The following PRKCE variants were observed in gnomAD, a reference collection of about 807,000 sequenced individuals.
The protein encoded by PRKCE is protein kinase C epsilon type.
In PRKCE, 16 loss-of-function variants were observed where a neutral mutation model predicts 85.4. The observed-to-expected ratio is 0.19, with a 90% CI of 0.13 to 0.28. The LOEUF (loss-of-function observed/expected upper bound fraction) is 0.28, where lower values mean the gene tolerates loss of function less well. Among genes scored for constraint, PRKCE ranks in the 10% least tolerant of loss-of-function variants. The pLI, the probability that PRKCE is intolerant of heterozygous loss-of-function variation, is 1.00. For missense variants in PRKCE, 573 were observed against 975.2 expected (o/e 0.59, Z 5.49); for synonymous variants, 388 against 371.5 (o/e 1.04, Z -0.51).
chr2:45,836,527 A>T (rs1690891254), intron 1 of PRKCE, among the ~76,000 whole-genome samples: 1 of 152,198 alleles, frequency 6.6e-6, no homozygotes, highest in South Asian at 2.1e-4. Flanking sequence ...CTGGGAGGAC[A>T]CCTGCTGCCT....
chr2:45,876,157 C>T (rs1173114495), intron 2 of PRKCE, among the ~76,000 whole-genome samples: 1 of 152,206 alleles, frequency 6.6e-6, no homozygotes, highest in Admixed American at 6.5e-5. Flanking sequence ...CTCCCTGCTT[C>T]CATCTCCCCT....
chr2:45,743,201 T>G (rs1682725310), intron 1 of PRKCE, among the ~76,000 whole-genome samples: 1 of 152,164 alleles, frequency 6.6e-6, no homozygotes. Context: ...TACAGCATAA[T>G]GACTGCAGTT....
At chr2:45,866,785 A>G (rs1234336461) in intron 2 of PRKCE, among the ~76,000 whole-genome samples, 1 of 152,216 alleles carries the variant, frequency 6.6e-6, no homozygotes, top group Non-Finnish European at 1.5e-5. Flanking sequence ...ACATGCGTCC[A>G]GGGGCTGCCA....
intron 1 of PRKCE, among the ~76,000 whole-genome samples, chr2:45,761,326 C>CAAAAAA (rs370710295): frequency 6.1e-5 from 5 of 82,252 alleles, no homozygotes; most frequent in South Asian, 4.5e-4. Context: ...GACTCCATCT[C>CAAAAAA]AAAAAAAAAA....
At chr2:45,731,810 G>T (rs1035688656) in intron 1 of PRKCE, among the ~76,000 whole-genome samples, 1 of 151,898 alleles carries the variant, frequency 6.6e-6, no homozygotes. Context: ...TAGAGACAAG[G>T]TCTCACCGTG....
At chr2:45,759,583 G>A (rs150443587) in intron 1 of PRKCE, among the ~76,000 whole-genome samples, 1 of 152,288 alleles carries the variant, frequency 6.6e-6, no homozygotes, top group Non-Finnish European at 1.5e-5. Flanking sequence ...AGCAATTAGC[G>A]CCATCTCCTT....
chr2:45,685,312 G>A (rs1677213606), intron 1 of PRKCE: 2 of 152,066 alleles, frequency 1.3e-5, no homozygotes, highest in African/African-American at 4.8e-5. Flanking sequence ...TAGTCACTGT[G>A]GATTACAGTA....
Position 46,032,439 on chromosome 2 carries a change from G to A in PRKCE, c.1437+21922G>A, listed in dbSNP as rs577610360. 1.2e-4 allele frequency among the ~76,000 whole-genome samples: 19 copies of A among 152,286 alleles called. No homozygotes were observed. In the East Asian group the frequency reaches 1.4e-3, roughly 11 times the overall value. ...GCCATCCCTCTCTTAAAATGGGCAC[G>A]GGTTTGCTGGCAGGACTTGCCCTTA... On this transcript the variant is annotated intron_variant, in intron 10 of 14. Transcript: ENST00000306156.
rs1680274338 is a variant in PRKCE, at chr2:46,184,262, G to A, written c.2068-473G>A. On this transcript the variant is annotated intron_variant, in intron 14 of 14. Transcript: ENST00000306156. The surrounding 1 kb of genome is among the most constrained non-coding windows in gnomAD (Gnocchi z 5.0). ...AAGTGGAAATCGAGGCAGGCTTGTG[G>A]AGAGGATGTCACCTGGAGCAGATGT... is the stretch of plus-strand genomic sequence containing the variant. Among the ~76,000 whole-genome samples, 1 of 152,182 alleles carries A rather than the reference G, an allele frequency of 6.6e-6. No homozygotes were observed. The highest frequency in any genetic ancestry group is 6.5e-5 in the Admixed American group (1 of 15,280).
chr2:45,989,209 G>A (rs145169837), intron 6 of PRKCE, among the ~76,000 whole-genome samples: 138 of 152,344 alleles, frequency 9.1e-4, no homozygotes, highest in African/African-American at 3.2e-3. Flanking sequence ...CCAGGACAGG[G>A]GACGAGGCAC....
chr2:45,884,991 A>G lies in PRKCE; in HGVS notation c.412+41928A>G, dbSNP rs200036963. Among the ~76,000 whole-genome samples the G allele has an allele frequency of 4.0e-4, 23 of 57,758 alleles. 1 individual carries two copies. The highest frequency in any genetic ancestry group is 2.8e-3 in the East Asian group (2 of 722). 37.9% of individuals were successfully genotyped at this position (57,758 alleles called of 152,430 possible). A position where few individuals can be genotyped will look rare whatever the true frequency, so the allele number is the denominator to read the frequency against. ...TATATATATATATATATATATATAT[A>G]TATATATATATTTGTTGTTGTTGTT... On this transcript the variant is annotated intron_variant, in intron 2 of 14. Coordinates refer to ENST00000306156, the MANE Select transcript of PRKCE (RefSeq NM_005400.3).
chr2:45,960,605 A>T (rs952529976), intron 2 of PRKCE, among the ~76,000 whole-genome samples: 1 of 152,168 alleles, frequency 6.6e-6, no homozygotes. Flanking sequence ...AGCTCAGGCA[A>T]TAATGCTTGC....
intron 1 of PRKCE, among the ~76,000 whole-genome samples, chr2:45,712,113 C>T (rs984294288): frequency 2.0e-5 from 3 of 149,584 alleles, no homozygotes; most frequent in Non-Finnish European, 4.4e-5. Context: ...TGACAGTTGA[C>T]CTCTTGCCAC....
intron 3 of PRKCE, chr2:45,978,685 T>C (rs1702649443): frequency 3.4e-6 from 1 of 294,298 alleles, no homozygotes. Flanking sequence ...GCAGGGTCGT[T>C]TGTGGCTTTC....
chr2:45,961,302 T>C (rs2104422042), intron 2 of PRKCE, among the ~76,000 whole-genome samples: 1 of 152,368 alleles, frequency 6.6e-6, no homozygotes, highest in South Asian at 2.1e-4. Flanking sequence ...TTGCAATGTT[T>C]ACCCTGACTT....
intron 10 of PRKCE, among the ~76,000 whole-genome samples, chr2:46,029,645 A>G (rs1021631619): frequency 6.6e-6 from 1 of 151,314 alleles, no homozygotes; most frequent in African/African-American, 2.4e-5. Flanking sequence ...TGCATCGCTA[A>G]TTGCTTAAAC....
chr2:45,903,887 T>TTTTGTTG (rs1553445442), intron 2 of PRKCE, among the ~76,000 whole-genome samples: 1 of 102,612 alleles, frequency 9.7e-6, no homozygotes, highest in African/African-American at 3.6e-5. Flanking sequence ...GGCAGTTTTT[T>TTTTGTTG]TTTGTTTGTT....
At position 46,061,824 on chromosome 2, in the gene PRKCE, A is replaced by ATTTCTTTTCT. The variant is rs529400456; in HGVS notation, c.1438-24360_1438-24351dup. Among the ~76,000 whole-genome samples the ATTTCTTTTCT allele has an allele frequency of 9.8e-3, 1,262 of 129,266 alleles. 34 individuals are homozygous for ATTTCTTTTCT. The highest frequency in any genetic ancestry group is 0.019 in the African/African-American group (619 of 32,694). The allele number at this position is 129,266 out of a possible 152,430, so 84.8% of individuals were successfully genotyped here. A position where few individuals can be genotyped will look rare whatever the true frequency, so the allele number is the denominator to read the frequency against. ...GCTGTCACTCATGCATACGTTAAGT[A>ATTTCTTTTCT]TTTCTTTTCTTTTCTTTTCTTTTCT... On this transcript the variant is annotated intron_variant, in intron 10 of 14. Transcript: ENST00000306156.
chr2:46,173,080 G>A (rs186429824), intron 14 of PRKCE, among the ~76,000 whole-genome samples: 2 of 152,322 alleles, frequency 1.3e-5, no homozygotes, highest in East Asian at 3.9e-4. Flanking sequence ...TTTGAGGCAG[G>A]GGTCTGCGAA....
Sources: gnomAD v4.1 joint callset for allele counts (sites outside exome capture counted in the v4.1 genomes callset) on GRCh38, gnomAD v4.1.1 for gene constraint, Gnocchi (gnomAD v3.1) non-coding constraint, MANE v1.5 for transcripts, NCBI Gene and HGNC (gene_info 2026-07-23, HGNC 2026-07-21) for gene names.